ANKUB1: variants seen among roughly 807,000 people sequenced by gnomAD.
ANKUB1 encodes ankyrin repeat and ubiquitin domain containing 1.
ANKUB1 carries 42 observed loss-of-function variants against 49.3 expected under a neutral mutation model. The ratio of observed to expected loss-of-function variants is 0.85; its 90% CI spans 0.67 to 1.10. ANKUB1 has a LOEUF of 1.10. ANKUB1 is among the 50% of genes least tolerant of loss of function. ANKUB1 has a pLI of 0.00. For missense variants in ANKUB1, 613 were observed against 642.0 expected (o/e 0.95, Z 0.49); for synonymous variants, 222 against 231.0 (o/e 0.96, Z 0.35).
chr3:149,775,120 G>A (rs1025456775), intron 3 of ANKUB1, among the ~76,000 whole-genome samples: 1 of 152,132 alleles, frequency 6.6e-6, no homozygotes, highest in African/African-American at 2.4e-5. Context: ...GGCCACACAG[G>A]ACAGCAGATG....
intron 2 of ANKUB1, among the ~76,000 whole-genome samples, chr3:149,785,720 T>C (rs1718069352): frequency 6.6e-6 from 1 of 152,200 alleles, no homozygotes; most frequent in Non-Finnish European, 1.5e-5. Flanking sequence ...GCAATAAACA[T>C]ACATGTGCAT....
At chr3:149,785,315 G>T (rs563987112) in intron 2 of ANKUB1, among the ~76,000 whole-genome samples, 4 of 151,948 alleles carry the variant, frequency 2.6e-5, no homozygotes, top group Admixed American at 2.6e-4. Context: ...CAACGTGCAG[G>T]TTTGTTACAT....
At chr3:149,786,313 G>C (rs897054191) in intron 2 of ANKUB1, among the ~76,000 whole-genome samples, 1 of 152,152 alleles carries the variant, frequency 6.6e-6, no homozygotes, top group Non-Finnish European at 1.5e-5. Flanking sequence ...GGGATTACAG[G>C]CGTGAGCCAC....
chr3:149,762,452 C>T (rs972739846), intron 5 of ANKUB1, among the ~76,000 whole-genome samples: 1 of 152,182 alleles, frequency 6.6e-6, no homozygotes, highest in Admixed American at 6.5e-5. Flanking sequence ...TTCCTTCTTT[C>T]TCTATTTCCA....
intron 3 of ANKUB1, among the ~76,000 whole-genome samples, chr3:149,774,731 G>GGAAGGCTTTC (rs1717516195): frequency 6.6e-6 from 1 of 152,204 alleles, no homozygotes; most frequent in African/African-American, 2.4e-5. Flanking sequence ...AAACAGTCCT[G>GGAAGGCTTTC]ATAATGCTCA....
rs1717104443 is a variant in ANKUB1 at position 149,767,613 on chromosome 3, T to C, written c.1049A>G (p.Asp350Gly). 1.8e-5 allele frequency: 28 copies of C among 1,551,590 alleles called. No homozygotes were observed. Among genetic ancestry groups the C allele is most frequent in the Non-Finnish European group, 2.4e-5 (28 of 1,147,002 alleles). Residue 350 changes from aspartate to glycine, a missense_variant, in exon 5 of 6, where the codon GAT becomes GGT. By Grantham distance (94) the Asp-to-Gly change is moderately conservative. Coordinates refer to ENST00000446160, the MANE Select transcript of ANKUB1 (RefSeq NM_001144960.3). Reference sequence around the variant, plus strand: ...GGTCATTTTTGGTTTGGTGAAACCATCCACCATCACAGTGTCTCCAACTTT... The same window carrying C: ...GGTCATTTTTGGTTTGGTGAAACCACCCACCATCACAGTGTCTCCAACTTT... ...GAKVGDTVMV[D>G]GFTKPKMTSK...
chr3:149,773,612 T>A (rs1717458194), intron 3 of ANKUB1, among the ~76,000 whole-genome samples: 1 of 152,234 alleles, frequency 6.6e-6, no homozygotes, highest in South Asian at 2.1e-4. Context: ...AACTTTCTCA[T>A]AAAATGTTTA....
chr3:149,769,323 T>C (rs560839040), intron 4 of ANKUB1, among the ~76,000 whole-genome samples: 2 of 152,350 alleles, frequency 1.3e-5, no homozygotes, highest in African/African-American at 4.8e-5. Context: ...GCCCCAGCTA[T>C]ACCCGTTACA....
At chr3:149,782,910 G>C (rs1717931846) in intron 2 of ANKUB1, among the ~76,000 whole-genome samples, 1 of 151,728 alleles carries the variant, frequency 6.6e-6, no homozygotes, top group African/African-American at 2.4e-5. Context: ...ATGAAGCCAG[G>C]TTCTTAAGTC....
chr3:149,769,313 G>T (rs1717220087), intron 4 of ANKUB1, among the ~76,000 whole-genome samples: 2 of 152,094 alleles, frequency 1.3e-5, no homozygotes, highest in African/African-American at 4.8e-5. Flanking sequence ...CCCTCCTCCT[G>T]CCCCAGCTAT....
At chr3:149,771,178 GA>G (rs758991366) in intron 3 of ANKUB1, among the ~76,000 whole-genome samples, 9 of 152,240 alleles carry the variant, frequency 5.9e-5, no homozygotes, top group Non-Finnish European at 1.0e-4. Flanking sequence ...ACTGCTGCTG[GA>G]GAACTTATCA....
In ANKUB1 at chr3:149,770,620, C is replaced by T; in HGVS notation, c.506G>A (p.Cys169Tyr). The T allele has an allele frequency of 1.3e-6, 2 of 1,550,260 alleles. No individual in the cohort carries two copies. Among genetic ancestry groups the T allele is most frequent in the Non-Finnish European group, 1.7e-6 (2 of 1,146,416 alleles). Residue 169 changes from cysteine to tyrosine, a missense_variant, in exon 4 of 6, where the codon TGT (cysteine) becomes TAT (tyrosine). Physicochemically the swap from Cys to Tyr is radical, Grantham distance 194 (BLOSUM62 -2). Coordinates refer to ENST00000446160, the MANE Select transcript of ANKUB1 (RefSeq NM_001144960.3). ...WDGWKEFLMGCLLGQKLKVQR... is the reference protein window; with the variant it reads ...WDGWKEFLMGYLLGQKLKVQR... ...GACTTTAAGTTTTTGTCCAAGGAGA[C>T]AACCCATCAGAAATTCCTTCCATCC...
chr3:149,762,214 T>A (rs1452755470), intron 5 of ANKUB1, among the ~76,000 whole-genome samples: 2 of 152,154 alleles, frequency 1.3e-5, no homozygotes, highest in African/African-American at 4.8e-5. Context: ...TACACCCTCA[T>A]CCTAGGAGTC....
At chr3:149,770,363 A>G (rs1030320518) in intron 4 of ANKUB1, among the ~76,000 whole-genome samples, 197 bp downstream of exon 4, 2 of 152,184 alleles carry the variant, frequency 1.3e-5, no homozygotes, top group African/African-American at 2.4e-5. Flanking sequence ...TCGCAAGACT[A>G]TCAGTCCTGA....
rs549475705 is a variant in ANKUB1, at chr3:149,785,367, C to T, written c.235-4912G>A. On this transcript the variant is annotated intron_variant, in intron 2 of 5. Coordinates refer to ENST00000446160, the MANE Select transcript of ANKUB1 (RefSeq NM_001144960.3). ...TGTTGGTGTGCTGCACCCATTAACT[C>T]GTCATTTACATTAGGTATATCTCCT... Among the ~76,000 whole-genome samples, 83 of 152,168 alleles carry T rather than the reference C, an allele frequency of 5.5e-4. 1 individual carries two copies. Among genetic ancestry groups the T allele is most frequent in the Admixed American group, 4.3e-3 (66 of 15,276 alleles).
intron 3 of ANKUB1, among the ~76,000 whole-genome samples, chr3:149,772,186 T>A (rs925929029): frequency 6.6e-6 from 1 of 152,030 alleles, no homozygotes; most frequent in African/African-American, 2.4e-5. Context: ...CTCAGCTAAA[T>A]TTTTTTGTAT....
intron 2 of ANKUB1, among the ~76,000 whole-genome samples, chr3:149,790,156 T>G (rs575605584): frequency 1.2e-4 from 19 of 152,100 alleles, no homozygotes; most frequent in Non-Finnish European, 2.1e-4. Flanking sequence ...CTTAAAAAAA[T>G]TGTTGACCAT....
Position 149,790,859 on chromosome 3 carries a change from A to G in ANKUB1, c.156T>C (p.Ala52=), listed in dbSNP as rs1163471964. 5 of 1,552,200 alleles carry G rather than the reference A, an allele frequency of 3.2e-6. No homozygotes were observed. Among genetic ancestry groups the G allele is most frequent in the Non-Finnish European group, 3.5e-6 (4 of 1,147,038 alleles). ...TCCAACTGTCCTTTAGAGCAGCTCC[A>G]GCATACATTAACTCCAGATACCGCC... ...QGRRYLELMY[A]GAALKDSWSL... Residue 52 remains alanine (A), a synonymous_variant, in exon 2 of 6, where the codon GCT becomes GCC. Coordinates refer to ENST00000446160, the MANE Select transcript of ANKUB1 (RefSeq NM_001144960.3).
At chr3:149,768,763 G>A (rs552754392) in intron 4 of ANKUB1, among the ~76,000 whole-genome samples, 40 of 151,982 alleles carry the variant, frequency 2.6e-4, no homozygotes, top group African/African-American at 8.9e-4. Flanking sequence ...CGCTGGTGTC[G>A]AACTCCTGAC....
Sources: allele counts gnomAD v4.1 joint callset (sites outside exome capture counted in the v4.1 genomes callset), GRCh38; gene constraint gnomAD v4.1.1; transcripts MANE v1.5; gene names NCBI Gene and HGNC (gene_info 2026-07-23, HGNC 2026-07-21).